SMG6: variants seen among roughly 807,000 people sequenced by gnomAD.
The protein encoded by SMG6 is SMG6 nonsense mediated mRNA decay factor.
In SMG6, 66 loss-of-function variants were observed where a neutral mutation model predicts 142.2. The ratio of observed to expected loss-of-function variants is 0.46; its 90% CI spans 0.38 to 0.57. The LOEUF (loss-of-function observed/expected upper bound fraction) is 0.57, where lower values mean the gene tolerates loss of function less well. SMG6 is among the 20% of genes least tolerant of loss of function. The pLI is 0.00. For synonymous variants in SMG6, 779 were observed against 702.4 expected (o/e 1.11, Z -1.72); for missense variants, 1,793 against 1,832.0 (o/e 0.98, Z 0.39).
At chr17:2,252,951 C>T (rs540508809) in intron 8 of SMG6, among the ~76,000 whole-genome samples, 110 of 151,562 alleles carry the variant, frequency 7.3e-4, no homozygotes, top group African/African-American at 2.6e-3. Context: ...TATTTGATGA[C>T]ATGAAAATTA....
At chr17:2,187,943 T>C (rs1054003141) in intron 11 of SMG6, among the ~76,000 whole-genome samples, 1 of 152,108 alleles carries the variant, frequency 6.6e-6, no homozygotes, top group Non-Finnish European at 1.5e-5. Flanking sequence ...GGATACTGTC[T>C]CAACCTAAGG....
Position 2,282,799 on chromosome 17 carries a change from T to C in SMG6, c.2509A>G (p.Lys837Glu). The C allele has an allele frequency of 6.2e-7, 1 of 1,614,214 alleles. No homozygotes were observed. Among genetic ancestry groups the C allele is most frequent in the Non-Finnish European group, 8.5e-7 (1 of 1,180,040 alleles). The change falls in exon 8 of 19, where the codon AAA becomes GAA. Residue 837 changes from lysine (K) to glutamate (E), a missense_variant. This residue lies in a region of SMG6 where 1,597 missense variants were observed against 1,584.6 expected (regional missense o/e 1.01). Coordinates refer to ENST00000263073, the MANE Select transcript of SMG6 (RefSeq NM_017575.5). The stretch of plus-strand genomic sequence containing the variant: ...TGCCGGAAAGTAGACTTCTTTCCTT[T>C]CCGCCACTGGTCAGGGCTCAGGTCA... ...EFDLSPDQWR[K>E]GKKSTFRHVG...
chr17:2,176,818 G>A (rs1417204563), intron 12 of SMG6, among the ~76,000 whole-genome samples: 1 of 152,182 alleles, frequency 6.6e-6, no homozygotes, highest in Non-Finnish European at 1.5e-5. Flanking sequence ...CTAGTTACAA[G>A]TATGCACTCA....
chr17:2,066,249 T>A (rs557990113), intron 16 of SMG6, among the ~76,000 whole-genome samples: 1 of 152,138 alleles, frequency 6.6e-6, no homozygotes, highest in East Asian at 1.9e-4. Flanking sequence ...ACTGCACGTG[T>A]GTGTGTGCGC....
chr17:2,179,300 C>T (rs1295249893), intron 12 of SMG6, among the ~76,000 whole-genome samples: 1 of 152,138 alleles, frequency 6.6e-6, no homozygotes, highest in East Asian at 1.9e-4. Context: ...ATTAAGTGTC[C>T]TTGAAGGGGT....
intron 13 of SMG6, among the ~76,000 whole-genome samples, chr17:2,093,193 C>CAA (rs530054035): frequency 7.2e-5 from 7 of 96,928 alleles, no homozygotes; most frequent in African/African-American, 7.6e-5. Flanking sequence ...GACTCTGTTG[C>CAA]AAAAAAAAAA....
At chr17:2,136,012 G>A (rs867929965) in intron 13 of SMG6, among the ~76,000 whole-genome samples, 1,536 of 149,320 alleles carry the variant, frequency 0.01, 31 homozygotes, top group African/African-American at 0.035. Context: ...GTGTGTGTGT[G>A]TGTGTGTGTG....
intron 8 of SMG6, chr17:2,280,510 G>A (rs901744430): frequency 8.3e-6 from 6 of 721,124 alleles, no homozygotes; most frequent in African/African-American, 3.8e-5. Flanking sequence ...TGATCTGCTC[G>A]CCTCGGCCTC....
chr17:2,296,095 A>G lies in SMG6; in HGVS notation c.2151+1148T>C, dbSNP rs561906053. Among the ~76,000 whole-genome samples the G allele has an allele frequency of 2.0e-5, 3 of 152,258 alleles. No homozygotes were observed. The South Asian group carries it at 6.2e-4, about 32-fold the overall frequency. ...AGTGACTGGTTCTAAGAACAAATCT[A>G]CCTTATCCATTTACTAAAAAATCAA... On this transcript the variant is annotated intron_variant, in intron 4 of 18. Coordinates refer to ENST00000263073, the MANE Select transcript of SMG6 (RefSeq NM_017575.5).
intron 8 of SMG6, among the ~76,000 whole-genome samples, chr17:2,248,655 CTTAG>C (rs2073975236): frequency 6.6e-6 from 1 of 152,156 alleles, no homozygotes; most frequent in Non-Finnish European, 1.5e-5. Context: ...TCTCCCTAAC[CTTAG>C]TTAATGAGAA....
At chr17:2,107,165 G>C (rs996032966) in intron 13 of SMG6, among the ~76,000 whole-genome samples, 12 of 152,098 alleles carry the variant, frequency 7.9e-5, no homozygotes, top group African/African-American at 2.7e-4. Flanking sequence ...CTCTATGCAG[G>C]ATTCCTAATA....
intron 6 of SMG6, among the ~76,000 whole-genome samples, chr17:2,286,555 A>G (rs893303686): frequency 1.3e-5 from 2 of 152,190 alleles, no homozygotes; most frequent in Non-Finnish European, 2.9e-5. Flanking sequence ...ACCACATGTA[A>G]AAGAATGAAG....
At chr17:2,117,522 A>G (rs190684011) in intron 13 of SMG6, 2 of 152,362 alleles carry the variant, frequency 1.3e-5, no homozygotes, top group African/African-American at 4.8e-5. Flanking sequence ...AAAGACTGGT[A>G]AATACAATTT....
chr17:2,292,660 T>C (rs1475416163), intron 5 of SMG6, 30 bp from the exon 6 acceptor site: 1 of 1,610,942 alleles, frequency 6.2e-7, no homozygotes, highest in African/African-American at 1.3e-5. Context: ...AAGAAAATGC[T>C]AGTTCCAGAT....
intron 13 of SMG6, among the ~76,000 whole-genome samples, chr17:2,094,209 C>T (rs1260441773): frequency 6.6e-6 from 1 of 152,128 alleles, no homozygotes; most frequent in Non-Finnish European, 1.5e-5. Flanking sequence ...CTAGTGGGAT[C>T]GTTGAGGGTT....
intron 12 of SMG6, among the ~76,000 whole-genome samples, chr17:2,177,374 T>C (rs1205916470): frequency 6.7e-6 from 1 of 150,208 alleles, no homozygotes; most frequent in Non-Finnish European, 1.5e-5. Context: ...AAAGCTCCAC[T>C]GGGGCAGGAC....
chr17:2,108,279 C>T (rs1383843228), intron 13 of SMG6, among the ~76,000 whole-genome samples: 1 of 152,168 alleles, frequency 6.6e-6, no homozygotes, highest in African/African-American at 2.4e-5. Flanking sequence ...AGCCACTCTC[C>T]AATCCCCAGC....
At chr17:2,180,818 A>G (rs2071783203) in intron 12 of SMG6, among the ~76,000 whole-genome samples, 1 of 152,214 alleles carries the variant, frequency 6.6e-6, no homozygotes, top group Non-Finnish European at 1.5e-5. Context: ...AGGAAAAGCA[A>G]AGGAGACTTC....
intron 13 of SMG6, among the ~76,000 whole-genome samples, chr17:2,164,560 A>T (rs1210119918): frequency 1.3e-5 from 2 of 152,126 alleles, no homozygotes; most frequent in Non-Finnish European, 2.9e-5. Flanking sequence ...GCGTGCCGAG[A>T]TCGCGCCACT....
Sources: allele counts gnomAD v4.1 joint callset (sites outside exome capture counted in the v4.1 genomes callset), GRCh38; gene constraint gnomAD v4.1.1; regional missense constraint gnomAD v4.1.1; transcripts MANE v1.5; gene names NCBI Gene and HGNC (gene_info 2026-07-23, HGNC 2026-07-21).